SBF2: variants seen among roughly 807,000 people sequenced by gnomAD.
The protein encoded by SBF2 is myotubularin-related protein 13.
In SBF2, 112 loss-of-function variants were observed where a neutral mutation model predicts 225.2. The observed-to-expected ratio is 0.50, with a 90% confidence interval of 0.43 to 0.58. SBF2 has a LOEUF of 0.58. Among genes scored for constraint, SBF2 ranks in the 20% least tolerant of loss-of-function variants. The pLI, the probability that SBF2 is intolerant of heterozygous loss-of-function variation, is 0.00. For missense variants in SBF2, 1,996 were observed against 2,206.2 expected (o/e 0.90, Z 1.91); for synonymous variants, 763 against 773.3 (o/e 0.99, Z 0.22).
At chr11:9,967,364 T>G (rs1590631812) in intron 14 of SBF2, among the ~76,000 whole-genome samples, 2 of 132,258 alleles carry the variant, frequency 1.5e-5, no homozygotes, top group Non-Finnish European at 3.2e-5. Context: ...AGAGCGAGAC[T>G]CCGTCTCAAA....
intron 16 of SBF2, among the ~76,000 whole-genome samples, chr11:9,934,618 C>A (rs146986257): frequency 6.6e-6 from 1 of 152,256 alleles, no homozygotes; most frequent in South Asian, 2.1e-4. Flanking sequence ...ACGATCAAGT[C>A]GGCTTCATCC....
At chr11:10,035,835 T>C (rs954919298) in intron 3 of SBF2, among the ~76,000 whole-genome samples, 10 of 152,210 alleles carry the variant, frequency 6.6e-5, no homozygotes, top group African/African-American at 2.4e-4. Context: ...AGTTCAACCA[T>C]TGTGGTAGAC....
chr11:10,170,175 G>A (rs1344995734), intron 2 of SBF2, among the ~76,000 whole-genome samples: 2 of 152,048 alleles, frequency 1.3e-5, no homozygotes, highest in Admixed American at 6.6e-5. Flanking sequence ...GGTTGTCTGT[G>A]CTTATGGGGT....
At chr11:10,172,127 A>C (rs1300229177) in intron 2 of SBF2, among the ~76,000 whole-genome samples, 1 of 151,742 alleles carries the variant, frequency 6.6e-6, no homozygotes, top group Non-Finnish European at 1.5e-5. Context: ...TCTTAATTTC[A>C]ATTTATTTCT....
At chr11:10,174,975 A>G (rs904843699) in intron 2 of SBF2, among the ~76,000 whole-genome samples, 16 of 152,032 alleles carry the variant, frequency 1.1e-4, no homozygotes, top group East Asian at 1.9e-4. Flanking sequence ...AGATTTTGTC[A>G]CCACCAGGCC....
At chr11:10,012,537 T>C (rs1399657975) in intron 6 of SBF2, among the ~76,000 whole-genome samples, 3 of 152,212 alleles carry the variant, frequency 2.0e-5, no homozygotes, top group Non-Finnish European at 4.4e-5. Context: ...TTGACCACTG[T>C]CATTATATTT....
intron 17 of SBF2, among the ~76,000 whole-genome samples, chr11:9,874,863 C>T (rs558393770): frequency 9.4e-4 from 143 of 152,258 alleles, no homozygotes; most frequent in African/African-American, 3.3e-3. Flanking sequence ...GTAGACTAAC[C>T]TATCAACCTT....
At chr11:9,789,923 T>C (rs1852632144) in intron 34 of SBF2, among the ~76,000 whole-genome samples, 1 of 152,240 alleles carries the variant, frequency 6.6e-6, no homozygotes, top group African/African-American at 2.4e-5. Flanking sequence ...CATCTAAGCA[T>C]GTACCTTTGG....
chr11:9,959,578 T>A (rs184260642), intron 16 of SBF2: 3 of 769,650 alleles, frequency 3.9e-6, no homozygotes, highest in East Asian at 2.5e-5. Flanking sequence ...AGGCATGAGA[T>A]ACATGTCACT....
chr11:9,876,703 G>T (rs1266565276), intron 17 of SBF2, among the ~76,000 whole-genome samples: 1 of 152,138 alleles, frequency 6.6e-6, no homozygotes, highest in East Asian at 1.9e-4. Flanking sequence ...TTTCGATATG[G>T]CAGCCTAAGC....
intron 2 of SBF2, among the ~76,000 whole-genome samples, chr11:10,173,418 A>G (rs13377305): frequency 0.095 from 14,476 of 152,220 alleles, 940 homozygotes; most frequent in East Asian, 0.28. Context: ...CTGGAAAATC[A>G]GTTCACTCCC....
chr11:9,877,508 T>C (rs1008079114), intron 17 of SBF2, among the ~76,000 whole-genome samples: 6 of 152,128 alleles, frequency 3.9e-5, no homozygotes, highest in Admixed American at 3.9e-4. Flanking sequence ...CAACTCGTCA[T>C]TTACATCAGG....
At chr11:10,128,669 A>G (rs1953879071) in intron 2 of SBF2, among the ~76,000 whole-genome samples, 1 of 152,230 alleles carries the variant, frequency 6.6e-6, no homozygotes, top group Admixed American at 6.5e-5. Context: ...CTAAACCTCA[A>G]GGTCCTAAAG....
At chr11:9,836,597 C>T (rs1855749350) in intron 26 of SBF2, among the ~76,000 whole-genome samples, 1 of 152,150 alleles carries the variant, frequency 6.6e-6, no homozygotes, top group South Asian at 2.1e-4. Context: ...TTTTATGTAA[C>T]TCTTAGAATT....
At chr11:10,293,881 G>C in intron 1 of SBF2, 134 bp downstream of exon 1, 1 of 595,970 alleles carries the variant, frequency 1.7e-6, no homozygotes, top group South Asian at 8.0e-5. Context: ...AAGGCCGGAC[G>C]CCGACCGCCC....
At position 9,836,835 on chromosome 11, in the gene SBF2, G is replaced by A. The variant is rs530538915; in HGVS notation, c.3455+2663C>T. Among the ~76,000 whole-genome samples, 188 of 152,204 alleles carry A rather than the reference G, an allele frequency of 1.2e-3. 1 individual carries two copies. Among genetic ancestry groups the A allele is most frequent in the African/African-American group, 4.2e-3 (176 of 41,542 alleles). ...ATGTTTTTTAGTGCTACTGTAAATAGTAGGAATAATACCAAAATAGCATCA... is the reference window on the plus strand; with the variant it reads ...ATGTTTTTTAGTGCTACTGTAAATAATAGGAATAATACCAAAATAGCATCA... On this transcript the variant is annotated intron_variant, in intron 26 of 39. Transcript: ENST00000256190.
At chr11:10,065,574 T>TA (rs1565190364) in intron 2 of SBF2, among the ~76,000 whole-genome samples, 2 of 152,250 alleles carry the variant, frequency 1.3e-5, no homozygotes, top group Admixed American at 1.3e-4. Flanking sequence ...CTATAGCTAT[T>TA]AAAAGGATCA....
chr11:9,792,420 A>C (rs1209920431), intron 33 of SBF2, among the ~76,000 whole-genome samples: 1 of 148,350 alleles, frequency 6.7e-6, no homozygotes, highest in Non-Finnish European at 1.5e-5. Context: ...ACAGTGTGAG[A>C]CTCCATCTCA....
intron 16 of SBF2, among the ~76,000 whole-genome samples, chr11:9,933,819 C>A (rs1444917399): frequency 5.3e-5 from 8 of 152,054 alleles, no homozygotes; most frequent in Non-Finnish European, 1.2e-4. Context: ...CAGAGCAGAA[C>A]TGAAAGAGAT....
Sources: allele counts gnomAD v4.1 joint callset (sites outside exome capture counted in the v4.1 genomes callset), GRCh38; gene constraint gnomAD v4.1.1; transcripts MANE v1.5; gene names NCBI Gene and HGNC (gene_info 2026-07-23, HGNC 2026-07-21).